The following GATA6 variants were observed in gnomAD, a reference collection of about 807,000 sequenced individuals.
GATA6 encodes the protein transcription factor GATA-6.
In GATA6, 11 loss-of-function variants were observed where a neutral mutation model predicts 48.1. The observed-to-expected ratio is 0.23, with a 90% confidence interval of 0.14 to 0.38. The LOEUF is 0.38. Ranked by LOEUF, GATA6 falls within the 10% of genes least tolerant of loss-of-function variation. The pLI is 1.00. For missense variants in GATA6, 795 were observed against 850.3 expected (o/e 0.93, Z 0.81); for synonymous variants, 419 against 396.1 (o/e 1.06, Z -0.69).
intron 2 of GATA6, among the ~76,000 whole-genome samples, chr18:22,174,900 CAG>C (rs1333694968): frequency 6.6e-6 from 1 of 152,018 alleles, no homozygotes; most frequent in Non-Finnish European, 1.5e-5. Flanking sequence ...GGGGTGAGCT[CAG>C]AGTCCTCACA....
At chr18:22,179,087 GC>G (rs1253813080) in intron 3 of GATA6, among the ~76,000 whole-genome samples, 4 of 152,148 alleles carry the variant, frequency 2.6e-5, no homozygotes, top group Non-Finnish European at 4.4e-5. Flanking sequence ...ACAGTTTTTA[GC>G]ATTTCTGAAT....
At chr18:22,191,032 CGTGT>C (rs57925913) in intron 6 of GATA6, among the ~76,000 whole-genome samples, 6,552 of 121,054 alleles carry the variant, frequency 0.054, 205 homozygotes, top group South Asian at 0.088. Flanking sequence ...TTTTAAATCT[CGTGT>C]GTGTGTGTGT....
chr18:22,172,323 G>A lies in GATA6; in HGVS notation c.1135+44G>A. ...GTTCGGGGTGCGGGTCCAAAGCGCTGGGGCGCACGGGGGACGTGGAGCAGC... is the reference window on the plus strand; with the variant it reads ...GTTCGGGGTGCGGGTCCAAAGCGCTAGGGCGCACGGGGGACGTGGAGCAGC... On this transcript the variant is annotated intron_variant, in intron 2 of 6. Transcript: ENST00000269216. The surrounding 1 kb of genome is among the most constrained non-coding windows in gnomAD (Gnocchi z 5.2). 1 of 1,515,210 alleles carries A rather than the reference G, an allele frequency of 6.6e-7. No individual in the cohort carries two copies. The highest frequency in any genetic ancestry group is 8.8e-7 in the Non-Finnish European group (1 of 1,133,532). The allele number at this position is 1,515,210 out of a possible 1,614,324, so 93.9% of individuals were successfully genotyped here.
rs950343287 is a variant in GATA6 at position 22,185,740 on chromosome 18, G to C, written c.1620+2697G>C. Among the ~76,000 whole-genome samples the C allele has an allele frequency of 6.6e-6, 1 of 152,234 alleles. No homozygotes were observed. Among genetic ancestry groups the C allele is most frequent in the African/African-American group, 2.4e-5 (1 of 41,454 alleles). On this transcript the variant is annotated intron_variant, in intron 6 of 6. Transcript: ENST00000269216. This position sits in a 1 kb window ranked among gnomAD's most constrained non-coding sequence, Gnocchi z 4.3. ...CCCCCTGTAAGAATACCTGTAGTAGGCTTGAGTGGTGTCCCCAGGTTGTTT... is the reference window on the plus strand; with the variant it reads ...CCCCCTGTAAGAATACCTGTAGTAGCCTTGAGTGGTGTCCCCAGGTTGTTT...
intron 2 of GATA6, chr18:22,175,417 C>A (rs953979998): frequency 6.6e-6 from 1 of 152,160 alleles, no homozygotes; most frequent in South Asian, 2.1e-4. Context: ...CTCCTCTATC[C>A]AGAGGGGCTC....
At chr18:22,177,952 G>GTTTTTTTTTTTTTTTTTT (rs775374335) in intron 3 of GATA6, among the ~76,000 whole-genome samples, 2 of 80,458 alleles carry the variant, frequency 2.5e-5, no homozygotes, top group African/African-American at 9.7e-5. Flanking sequence ...CTGTTTTTTT[G>GTTTTTTTTTTTTTTTTTT]TTTTTTTTTT....
chr18:22,172,319 C>A lies in GATA6; in HGVS notation c.1135+40C>A. The stretch of plus-strand genomic sequence containing the variant: ...TCAGGTTCGGGGTGCGGGTCCAAAG[C>A]GCTGGGGCGCACGGGGGACGTGGAG... On this transcript the variant is annotated intron_variant, in intron 2 of 6. Transcript: ENST00000269216. The surrounding 1 kb of genome is among the most constrained non-coding windows in gnomAD (Gnocchi z 5.2). 1 of 1,518,154 alleles carries A rather than the reference C, an allele frequency of 6.6e-7. No homozygotes were observed. Among genetic ancestry groups the A allele is most frequent in the Non-Finnish European group, 8.8e-7 (1 of 1,135,582 alleles). 94.0% of individuals were successfully genotyped at this position (1,518,154 alleles called of 1,614,324 possible).
chr18:22,182,381 GA>G (rs1390019822), intron 4 of GATA6, among the ~76,000 whole-genome samples: 24 of 150,326 alleles, frequency 1.6e-4, no homozygotes, highest in African/African-American at 5.6e-4. Context: ...TTTTGAGATG[GA>G]GTCTAACTCT....
intron 6 of GATA6, among the ~76,000 whole-genome samples, chr18:22,183,379 T>C (rs2033222389): frequency 6.6e-6 from 1 of 152,252 alleles, no homozygotes; most frequent in East Asian, 1.9e-4. Context: ...TATATTTATG[T>C]ATTTCCGATG....
rs1366167883 is a variant in GATA6, at chr18:22,177,090, G to T, written c.1271G>T (p.Ser424Ile). Residue 424 changes from serine to isoleucine, a missense_variant, in exon 3 of 7, where the codon AGC becomes ATC. Transcript: ENST00000269216. ...CGLYSKMNGL[S>I]RPLIKPQKRV... is the part of the protein sequence containing the mutation. ...CTCTACAGCAAGATGAACGGCCTCA[G>T]CCGGCCCCTCATCAAGCCGCAGAAG... 19 of 1,557,746 alleles carry T rather than the reference G, an allele frequency of 1.2e-5. No individual in the cohort carries two copies. Among genetic ancestry groups the T allele is most frequent in the Non-Finnish European group, 1.6e-5 (19 of 1,153,180 alleles).
Position 22,172,896 on chromosome 18 carries a change from C to A in GATA6, c.1135+617C>A, listed in dbSNP as rs1008569247. ...AGGGAGAGAGGGAAAGAAGAGAGGG[C>A]ACCTGGAGTGGTCAGACTTGTGACT... On this transcript the variant is annotated intron_variant, in intron 2 of 6. Coordinates refer to ENST00000269216, the MANE Select transcript of GATA6 (RefSeq NM_005257.6). The surrounding 1 kb of genome is among the most constrained non-coding windows in gnomAD (Gnocchi z 5.2). Among the ~76,000 whole-genome samples, 3 of 152,208 alleles carry A rather than the reference C, an allele frequency of 2.0e-5. No homozygotes were observed. The highest frequency in any genetic ancestry group is 7.2e-5 in the African/African-American group (3 of 41,464).
chr18:22,177,477 A>G (rs1009806705), intron 3 of GATA6, among the ~76,000 whole-genome samples: 4 of 152,232 alleles, frequency 2.6e-5, no homozygotes, highest in Admixed American at 2.0e-4. Flanking sequence ...AAAATAATCT[A>G]TATATCTCTA....
chr18:22,174,743 T>TA (rs1486515464), intron 2 of GATA6, among the ~76,000 whole-genome samples: 83 of 149,970 alleles, frequency 5.5e-4, no homozygotes, highest in African/African-American at 2.0e-3. Flanking sequence ...TTTTTTTTTT[T>TA]AAACAAACCG....
intron 6 of GATA6, among the ~76,000 whole-genome samples, chr18:22,196,793 G>A (rs1353904768): frequency 2.0e-5 from 3 of 152,020 alleles, no homozygotes; most frequent in African/African-American, 7.2e-5. Flanking sequence ...CTTTTGAATG[G>A]CTACAGAACA....
intron 2 of GATA6, chr18:22,176,420 G>A (rs528996392): frequency 6.6e-6 from 1 of 152,410 alleles, no homozygotes; most frequent in East Asian, 1.9e-4. Flanking sequence ...TTTAATTGGA[G>A]AAGAGGCACA....
chr18:22,181,873 A>G (rs1204921275), intron 4 of GATA6, among the ~76,000 whole-genome samples: 1 of 151,370 alleles, frequency 6.6e-6, no homozygotes, highest in Non-Finnish European at 1.5e-5. Context: ...TAGAAATGTG[A>G]AAATGTGAAA....
rs1457687192 is a variant in GATA6, at chr18:22,171,181, C to T, written c.37C>T (p.Arg13Cys). 1.9e-6 allele frequency: 3 copies of T among 1,599,920 alleles called. No homozygotes were observed. The highest frequency in any genetic ancestry group is 2.5e-6 in the Non-Finnish European group (3 of 1,179,542). Reference protein sequence around the residue: ...LTDGGWCLPKRFGAAGADASD... With the variant: ...LTDGGWCLPKCFGAAGADASD... ...TGACGGCGGCTGGTGCTTGCCGAAGCGCTTCGGGGCCGCGGGTGCGGACGC... is the reference window on the plus strand; with the variant it reads ...TGACGGCGGCTGGTGCTTGCCGAAGTGCTTCGGGGCCGCGGGTGCGGACGC... The change falls in exon 2 of 7, where the codon CGC (arginine) becomes TGC (cysteine). Residue 13 changes from arginine to cysteine, a missense_variant. This residue lies in a region of GATA6 where 591 missense variants were observed against 570.0 expected (regional missense o/e 1.04). Coordinates refer to ENST00000269216, the MANE Select transcript of GATA6 (RefSeq NM_005257.6). The surrounding 1 kb of genome is among the most constrained non-coding windows in gnomAD (Gnocchi z 7.1).
chr18:22,195,617 C>T (rs1048993798), intron 6 of GATA6, among the ~76,000 whole-genome samples: 5 of 151,982 alleles, frequency 3.3e-5, no homozygotes, highest in Admixed American at 6.6e-5. Context: ...TAGACTTGGC[C>T]CTCTCAGCTA....
In GATA6 at chr18:22,170,083, G is replaced by A. The variant is rs977902076; in HGVS notation, c.-38+401G>A. Among the ~76,000 whole-genome samples, 2 of 152,186 alleles carry A rather than the reference G, an allele frequency of 1.3e-5. No individual in the cohort carries two copies. The highest frequency in any genetic ancestry group is 2.9e-5 in the Non-Finnish European group (2 of 68,018). On this transcript the variant is annotated intron_variant, in intron 1 of 6. Coordinates refer to ENST00000269216, the MANE Select transcript of GATA6 (RefSeq NM_005257.6). This position sits in a 1 kb window ranked among gnomAD's most constrained non-coding sequence, Gnocchi z 6.7. ...CAGCCTGGAGGAGGCCAGCCCGGCT[G>A]CATTTCACCTCCCTCCCCCACTCGC...
Sources: gnomAD v4.1 joint callset for allele counts (sites outside exome capture counted in the v4.1 genomes callset) on GRCh38, gnomAD v4.1.1 for gene constraint, gnomAD v4.1.1 regional missense constraint, Gnocchi (gnomAD v3.1) non-coding constraint, MANE v1.5 for transcripts, NCBI Gene and HGNC (gene_info 2026-07-23, HGNC 2026-07-21) for gene names.